Variants in STMN4 observed in about 807,000 individuals in gnomAD.
STMN4 encodes the protein stathmin 4.
A neutral mutation model predicts 29.1 loss-of-function variants in STMN4; 12 were observed. That is an observed-to-expected ratio of 0.41 (90% CI 0.26 to 0.67). The LOEUF (loss-of-function observed/expected upper bound fraction) is 0.67. Among genes scored for constraint, STMN4 ranks in the 30% least tolerant of loss-of-function variants. The pLI, the probability that STMN4 is intolerant of heterozygous loss-of-function variation, is 0.30. For synonymous variants in STMN4, 114 were observed against 105.3 expected (o/e 1.08, Z -0.51); for missense variants, 181 against 262.8 (o/e 0.69, Z 2.15).
At chr8:27,255,383 A>G (rs1481587686) in intron 1 of STMN4, among the ~76,000 whole-genome samples, 1 of 152,232 alleles carries the variant, frequency 6.6e-6, no homozygotes, top group African/African-American at 2.4e-5. Context: ...CTATGTTTCC[A>G]AATGAGAATC....
chr8:27,240,004 G>A lies in STMN4; in HGVS notation c.558C>T (p.His186=), dbSNP rs1243497160. The A allele has an allele frequency of 6.2e-7, 1 of 1,614,212 alleles. No individual in the cohort carries two copies. Among genetic ancestry groups the A allele is most frequent in the South Asian group, 1.1e-5 (1 of 91,078 alleles). The change falls in exon 6 of 7, where the codon CAC becomes CAT. Residue 186 remains histidine (H), a synonymous_variant. Coordinates refer to ENST00000350889, the MANE Select transcript of STMN4 (RefSeq NM_030795.4). ...MESNKENREA[H]LAAMLERLQE... is the part of the protein sequence containing the mutation. ...GCAGCCGTTCCAACATGGCGGCGAGGTGGGCCTCCCTGTTCTCCTTGTTGG... is the reference window on the plus strand; with the variant it reads ...GCAGCCGTTCCAACATGGCGGCGAGATGGGCCTCCCTGTTCTCCTTGTTGG...
At chr8:27,250,251 A>G (rs1349734762) in intron 1 of STMN4, among the ~76,000 whole-genome samples, 1 of 152,192 alleles carries the variant, frequency 6.6e-6, no homozygotes, top group Non-Finnish European at 1.5e-5. Flanking sequence ...GGCCCTGGTT[A>G]TTTCATGCTG....
rs1801317355 is a variant in STMN4 at position 27,236,644 on chromosome 8, A to G, written c.*202T>C. Reference sequence around the variant, plus strand: ...CTCCTCTCCCCTCTCCCACCCCGTCATTGTTCCCCGGAAACAAATAGGATG... The same window carrying G: ...CTCCTCTCCCCTCTCCCACCCCGTCGTTGTTCCCCGGAAACAAATAGGATG... On this transcript the variant is annotated 3_prime_UTR_variant, in exon 7 of 7. Transcript: ENST00000350889. The G allele has an allele frequency of 2.2e-6, 1 of 453,276 alleles. No homozygotes were observed. The highest frequency in any genetic ancestry group is 4.3e-5 in the Admixed American group (1 of 23,256). The allele number at this position is 453,276 out of a possible 1,614,324, so 28.1% of individuals were successfully genotyped here. A position where few individuals can be genotyped will look rare whatever the true frequency, so the allele number is the denominator to read the frequency against.
intron 1 of STMN4, among the ~76,000 whole-genome samples, chr8:27,255,226 C>A (rs1233127533): frequency 6.6e-6 from 1 of 151,982 alleles, no homozygotes; most frequent in African/African-American, 2.4e-5. Context: ...GTTTATTTCT[C>A]AAGCTTAAAA....
At chr8:27,251,083 C>T (rs1055965581) in intron 1 of STMN4, among the ~76,000 whole-genome samples, 1 of 151,992 alleles carries the variant, frequency 6.6e-6, no homozygotes, top group Non-Finnish European at 1.5e-5. Flanking sequence ...CCCATCTCTA[C>T]TAAAAATACA....
At chr8:27,241,619 C>G in intron 4 of STMN4, 58 bp downstream of exon 4, 1 of 1,605,000 alleles carries the variant, frequency 6.2e-7, no homozygotes. Flanking sequence ...CCGCCCACCC[C>G]CGGCCACAGC....
At chr8:27,254,911 G>C (rs1801898691) in intron 1 of STMN4, among the ~76,000 whole-genome samples, 1 of 151,542 alleles carries the variant, frequency 6.6e-6, no homozygotes, top group Non-Finnish European at 1.5e-5. Flanking sequence ...GTGTGTGTAG[G>C]GGATGGAGTG....
chr8:27,250,393 C>T (rs552060931), intron 1 of STMN4, among the ~76,000 whole-genome samples: 48 of 152,104 alleles, frequency 3.2e-4, no homozygotes, highest in Non-Finnish European at 6.3e-4. Context: ...TGTGCCAAGC[C>T]CTCTGCTAGA....
intron 1 of STMN4, among the ~76,000 whole-genome samples, chr8:27,254,123 G>T (rs1004100617): frequency 6.1e-4 from 93 of 152,150 alleles, no homozygotes; most frequent in African/African-American, 2.2e-3. Flanking sequence ...TGGTTTGATG[G>T]CAGGTGCAGA....
chr8:27,239,130 C>A, intron 6 of STMN4: 2 of 1,401,170 alleles, frequency 1.4e-6, no homozygotes, highest in East Asian at 2.6e-5. Flanking sequence ...AACATTCAGA[C>A]ACCTTGTGAA....
chr8:27,251,687 A>G (rs991439011), intron 1 of STMN4, among the ~76,000 whole-genome samples: 4 of 152,058 alleles, frequency 2.6e-5, no homozygotes, highest in African/African-American at 7.2e-5. Flanking sequence ...TGCTATTGGC[A>G]TTTTCTTCTA....
At chr8:27,249,972 A>G (rs149717405) in intron 1 of STMN4, among the ~76,000 whole-genome samples, 17 of 152,270 alleles carry the variant, frequency 1.1e-4, no homozygotes, top group African/African-American at 3.9e-4. Context: ...GCTTGAACAG[A>G]GTTGTACCTG....
At position 27,244,771 on chromosome 8, in the gene STMN4, A is replaced by C. The variant is rs547873320; in HGVS notation, c.-78-970T>G. ...AGGAGGGGGCGGGGCAGGAGACAAA[A>C]CAGGAGAGTCAGGGAAGGAGCAGAT... On this transcript the variant is annotated intron_variant, in intron 1 of 6. Coordinates refer to ENST00000350889, the MANE Select transcript of STMN4 (RefSeq NM_030795.4). 2.0e-3 allele frequency among the ~76,000 whole-genome samples: 308 copies of C among 152,264 alleles called. 1 individual carries two copies. The highest frequency in any genetic ancestry group is 7.2e-3 in the African/African-American group (301 of 41,554).
Position 27,240,043 on chromosome 8 carries a change from G to A in STMN4, c.519C>T (p.Ala173=). ...NFIKMAKEKL[A]QKMESNKENR... ...TCTCCTTGTTGGATTCCATCTTCTG[G>A]GCCAGTTTTTCCTTAGCCATCTTGA... Residue 173 remains alanine, a synonymous_variant, in exon 6 of 7, where the codon GCC becomes GCT. Coordinates refer to ENST00000350889, the MANE Select transcript of STMN4 (RefSeq NM_030795.4). 1 of 1,614,112 alleles carries A rather than the reference G, an allele frequency of 6.2e-7. No individual in the cohort carries two copies. Among genetic ancestry groups the A allele is most frequent in the South Asian group, 1.1e-5 (1 of 91,070 alleles).
At chr8:27,256,366 G>A (rs4733043) in intron 1 of STMN4, among the ~76,000 whole-genome samples, 20,234 of 151,776 alleles carry the variant, frequency 0.13, 2,015 homozygotes, top group East Asian at 0.42. Context: ...TGTATTTACC[G>A]CAGTTAAAAA....
chr8:27,250,602 C>T (rs1801755479), intron 1 of STMN4, among the ~76,000 whole-genome samples: 1 of 151,980 alleles, frequency 6.6e-6, no homozygotes, highest in South Asian at 2.1e-4. Flanking sequence ...ACCAGCGAGA[C>T]CTACAGAGGG....
intron 1 of STMN4, among the ~76,000 whole-genome samples, chr8:27,256,937 G>T (rs925690363): frequency 6.6e-6 from 1 of 152,168 alleles, no homozygotes; most frequent in Admixed American, 6.5e-5. Context: ...TCTAGCACTT[G>T]CAGATCCTGC....
intron 1 of STMN4, among the ~76,000 whole-genome samples, chr8:27,254,612 G>C (rs1363148423): frequency 6.6e-6 from 1 of 152,088 alleles, no homozygotes; most frequent in Non-Finnish European, 1.5e-5. Flanking sequence ...GTAGGGGATG[G>C]AGTGGGAGCA....
chr8:27,253,623 T>A (rs544113069), intron 1 of STMN4, among the ~76,000 whole-genome samples: 2 of 152,370 alleles, frequency 1.3e-5, no homozygotes, highest in South Asian at 4.1e-4. Context: ...GCATTTAGCT[T>A]TATAAATATG....
Sources: gnomAD v4.1 joint callset for allele counts (sites outside exome capture counted in the v4.1 genomes callset) on GRCh38, gnomAD v4.1.1 for gene constraint, MANE v1.5 for transcripts, NCBI Gene and HGNC (gene_info 2026-07-23, HGNC 2026-07-21) for gene names.